Variants in SPAG16 observed in about 807,000 individuals in gnomAD.
The protein encoded by SPAG16 is sperm-associated antigen 16 protein.
In SPAG16, 86 loss-of-function variants were observed where a neutral mutation model predicts 80.4. The observed-to-expected ratio is 1.07, with a 90% CI of 0.90 to 1.28. The LOEUF (loss-of-function observed/expected upper bound fraction) is 1.28. Ranked by LOEUF, SPAG16 falls within the 50% of genes most tolerant of loss-of-function variation. The pLI, the probability that SPAG16 is intolerant of heterozygous loss-of-function variation, is 0.00. For synonymous variants in SPAG16, 294 were observed against 265.9 expected (o/e 1.11, Z -1.03); for missense variants, 870 against 765.3 (o/e 1.14, Z -1.61).
chr2:213,768,260 G>A (rs569924039), intron 10 of SPAG16, among the ~76,000 whole-genome samples: 3 of 152,182 alleles, frequency 2.0e-5, no homozygotes, highest in African/African-American at 4.8e-5. Flanking sequence ...ATGCAATAAA[G>A]GCAGGCTTTC....
intron 15 of SPAG16, among the ~76,000 whole-genome samples, chr2:214,259,601 C>T (rs1379830262): frequency 1.3e-5 from 2 of 150,456 alleles, no homozygotes; most frequent in Non-Finnish European, 2.9e-5. Flanking sequence ...TCCAGGCGTT[C>T]ACTCTCCTTC....
intron 11 of SPAG16, among the ~76,000 whole-genome samples, chr2:213,863,245 T>C (rs2075554641): frequency 6.6e-6 from 1 of 152,184 alleles, no homozygotes; most frequent in Non-Finnish European, 1.5e-5. Context: ...TCCTGTTTTC[T>C]GCTCATCATA....
In SPAG16 at chr2:213,484,809, G is replaced by A. The variant is rs181759403; in HGVS notation, c.943-5154G>A. ...TTGACTTGAATTGAATATTTAAATC[G>A]AACTTCTTCAGAAGTTTATCAGCAG... is the stretch of plus-strand genomic sequence containing the variant. On this transcript the variant is annotated intron_variant, in intron 9 of 15. Coordinates refer to ENST00000331683, the MANE Select transcript of SPAG16 (RefSeq NM_024532.5). Among the ~76,000 whole-genome samples, 203 of 152,180 alleles carry A rather than the reference G, an allele frequency of 1.3e-3. 1 individual carries two copies. In the Middle Eastern group the frequency reaches 0.017, roughly 13 times the overall value.
At chr2:213,820,698 TC>T (rs2072886114) in intron 10 of SPAG16, among the ~76,000 whole-genome samples, 1 of 152,062 alleles carries the variant, frequency 6.6e-6, no homozygotes, top group Non-Finnish European at 1.5e-5. Context: ...TTTTATTCTA[TC>T]CCATCAGAGA....
At chr2:213,341,571 C>T (rs921073132) in intron 6 of SPAG16, among the ~76,000 whole-genome samples, 2 of 152,004 alleles carry the variant, frequency 1.3e-5, no homozygotes, top group Non-Finnish European at 2.9e-5. Flanking sequence ...CTCATTCTGT[C>T]GCCCATTTTA....
At chr2:213,800,975 T>C (rs1243766986) in intron 10 of SPAG16, among the ~76,000 whole-genome samples, 2 of 152,224 alleles carry the variant, frequency 1.3e-5, no homozygotes, top group African/African-American at 4.8e-5. Flanking sequence ...CTCTCATTGA[T>C]GCTATATTTT....
chr2:213,317,504 C>A (rs1031184850), intron 5 of SPAG16, 148 bp downstream of exon 5: 9 of 1,341,544 alleles, frequency 6.7e-6, no homozygotes, highest in Admixed American at 6.2e-5. Context: ...GCTTCATTAG[C>A]AAATTAATTA....
chr2:213,401,730 A>C (rs1374569513), intron 9 of SPAG16, among the ~76,000 whole-genome samples: 1 of 151,986 alleles, frequency 6.6e-6, no homozygotes. Context: ...TTTTCCACTT[A>C]TTTTGATTAT....
chr2:213,813,510 A>G (rs1334709198), intron 10 of SPAG16, among the ~76,000 whole-genome samples: 1 of 152,092 alleles, frequency 6.6e-6, no homozygotes, highest in Non-Finnish European at 1.5e-5. Flanking sequence ...CCCACCTCTC[A>G]TTGAAGCAAA....
intron 15 of SPAG16, among the ~76,000 whole-genome samples, chr2:214,223,065 A>G (rs536285310): frequency 6.6e-6 from 1 of 152,314 alleles, no homozygotes; most frequent in African/African-American, 2.4e-5. Context: ...AATATGAAAT[A>G]TATTGCAGAA....
intron 10 of SPAG16, among the ~76,000 whole-genome samples, chr2:213,674,629 G>T (rs2063966551): frequency 6.7e-6 from 1 of 149,206 alleles, no homozygotes. Context: ...GTGAGAATAT[G>T]CAGTGTTTGG....
At chr2:213,462,164 A>T (rs1439433836) in intron 9 of SPAG16, among the ~76,000 whole-genome samples, 1 of 152,208 alleles carries the variant, frequency 6.6e-6, no homozygotes, top group Non-Finnish European at 1.5e-5. Context: ...ATCTTACCCC[A>T]TGCTGTCAAA....
chr2:214,294,762 T>C (rs1239275290), intron 15 of SPAG16, among the ~76,000 whole-genome samples: 1 of 152,222 alleles, frequency 6.6e-6, no homozygotes, highest in Non-Finnish European at 1.5e-5. Context: ...TGCTTTATGT[T>C]TATAGGTGTC....
At chr2:214,127,291 G>A (rs2125481788) in intron 14 of SPAG16, among the ~76,000 whole-genome samples, 1 of 151,920 alleles carries the variant, frequency 6.6e-6, no homozygotes, top group South Asian at 2.1e-4. Context: ...TATTTCAAGT[G>A]CAGTATCAAC....
intron 10 of SPAG16, among the ~76,000 whole-genome samples, chr2:213,692,821 A>AT (rs2065001743): frequency 6.6e-6 from 1 of 151,208 alleles, no homozygotes. Flanking sequence ...AAAAAAAAAA[A>AT]AAAAGAAAAA....
At chr2:214,287,156 C>G (rs748791029) in intron 15 of SPAG16, among the ~76,000 whole-genome samples, 9 of 152,112 alleles carry the variant, frequency 5.9e-5, no homozygotes, top group Non-Finnish European at 1.3e-4. Context: ...TCATGCATGG[C>G]CTGTTACTTT....
At chr2:214,283,006 C>T (rs114123811) in intron 15 of SPAG16, among the ~76,000 whole-genome samples, 1,815 of 152,196 alleles carry the variant, frequency 0.012, 34 homozygotes, top group African/African-American at 0.04. Context: ...AACTCTGATA[C>T]TGACTCAGCA....
intron 15 of SPAG16, among the ~76,000 whole-genome samples, chr2:214,216,614 C>T (rs909939558): frequency 1.3e-5 from 2 of 152,222 alleles, no homozygotes; most frequent in African/African-American, 4.8e-5. Flanking sequence ...GCCACTGCGC[C>T]CGGCCAGTGC....
intron 15 of SPAG16, among the ~76,000 whole-genome samples, chr2:214,218,520 G>T (rs1357565057): frequency 6.6e-6 from 1 of 152,108 alleles, no homozygotes; most frequent in Admixed American, 6.6e-5. Context: ...CTTTGCTCCT[G>T]CCAGGAAGAT....
Sources: gnomAD v4.1 joint callset for allele counts (sites outside exome capture counted in the v4.1 genomes callset) on GRCh38, gnomAD v4.1.1 for gene constraint, MANE v1.5 for transcripts, NCBI Gene and HGNC (gene_info 2026-07-23, HGNC 2026-07-21) for gene names.